The following ALK variants were observed in gnomAD, a reference collection of about 807,000 sequenced individuals.
ALK encodes the protein ALK receptor tyrosine kinase.
Under a neutral mutation model 163.1 loss-of-function variants are expected in ALK, and 74 were observed. The ratio of observed to expected loss-of-function variants is 0.45; its 90% confidence interval spans 0.38 to 0.55. The LOEUF is 0.55. ALK is among the 20% of genes least tolerant of loss of function. ALK has a pLI of 0.00. For missense variants in ALK, 2,063 were observed against 2,105.3 expected (o/e 0.98, Z 0.39); for synonymous variants, 960 against 843.2 (o/e 1.14, Z -2.40).
chr2:29,649,151 G>A (rs1676966928), intron 3 of ALK, among the ~76,000 whole-genome samples: 2 of 150,994 alleles, frequency 1.3e-5, no homozygotes, highest in South Asian at 4.2e-4. Context: ...TTATAGTGTG[G>A]GATTCAATTA....
Position 29,717,573 on chromosome 2 carries a change from C to G in ALK, c.787+5G>C. Reference sequence around the variant, plus strand: ...ATCTCAAGTAAATATTAAACATATACTTACCATATCGGCTGCGATGAGACA... The same window carrying G: ...ATCTCAAGTAAATATTAAACATATAGTTACCATATCGGCTGCGATGAGACA... On this transcript the variant is annotated splice_donor_5th_base_variant and intron_variant, in intron 2 of 28. Coordinates refer to ENST00000389048, the MANE Select transcript of ALK (RefSeq NM_004304.5). 6.2e-7 allele frequency: 1 copy of G among 1,613,958 alleles called. No homozygotes were observed. Among genetic ancestry groups the G allele is most frequent in the Non-Finnish European group, 8.5e-7 (1 of 1,179,858 alleles).
chr2:29,530,689 G>C (rs1673097856), intron 4 of ALK, among the ~76,000 whole-genome samples: 1 of 152,204 alleles, frequency 6.6e-6, no homozygotes, highest in Non-Finnish European at 1.5e-5. Flanking sequence ...CCGTGCTGGA[G>C]GGAGGCTTGG....
chr2:29,222,496 C>G (rs1222073704), intron 21 of ALK, 21 bp downstream of exon 21: 1 of 1,614,028 alleles, frequency 6.2e-7, no homozygotes, highest in East Asian at 2.2e-5. Context: ...AGGGCAGGCT[C>G]AAGAGTGAGC....
At chr2:29,846,359 A>C (rs1296639675) in intron 1 of ALK, among the ~76,000 whole-genome samples, 2 of 152,004 alleles carry the variant, frequency 1.3e-5, no homozygotes, top group Non-Finnish European at 2.9e-5. Context: ...ACCCCGTTTT[A>C]TTTTCTTCAC....
rs189268153 is a variant in ALK at position 29,431,553 on chromosome 2, A to G, written c.1155-47694T>C. 3.5e-3 allele frequency among the ~76,000 whole-genome samples: 528 copies of G among 152,318 alleles called. 4 individuals carry two copies. Among genetic ancestry groups the G allele is most frequent in the East Asian group, 4.2e-3 (22 of 5,180 alleles). On this transcript the variant is annotated intron_variant, in intron 4 of 28. Transcript: ENST00000389048. ...AACCTTTCTTTTTGCCCAGGCTTCT[A>G]TGCAAACCGCCTGCTTGTCCCTTGA...
At chr2:29,405,814 C>T (rs1050783535) in intron 4 of ALK, among the ~76,000 whole-genome samples, 2 of 151,988 alleles carry the variant, frequency 1.3e-5, no homozygotes, top group African/African-American at 4.8e-5. Flanking sequence ...GATAGAAGAC[C>T]CTGGAATAAT....
At chr2:29,809,767 A>G (rs554682468) in intron 1 of ALK, among the ~76,000 whole-genome samples, 1 of 152,278 alleles carries the variant, frequency 6.6e-6, no homozygotes, top group South Asian at 2.1e-4. Flanking sequence ...AGACATATAC[A>G]AGGCCAGGGA....
chr2:29,347,982 A>C (rs1489116170), intron 5 of ALK, among the ~76,000 whole-genome samples: 2 of 152,170 alleles, frequency 1.3e-5, no homozygotes, highest in East Asian at 3.9e-4. Context: ...ACACCTTAAG[A>C]ACCTCTGCCA....
chr2:29,487,711 C>T (rs1477335972), intron 4 of ALK, among the ~76,000 whole-genome samples: 2 of 152,112 alleles, frequency 1.3e-5, no homozygotes, highest in Admixed American at 6.5e-5. Context: ...TTATTCAATG[C>T]CTGCTATGTA....
At chr2:29,585,499 T>A (rs1237878270) in intron 3 of ALK, among the ~76,000 whole-genome samples, 1 of 152,120 alleles carries the variant, frequency 6.6e-6, no homozygotes, top group Admixed American at 6.5e-5. Flanking sequence ...GCTATTTTTT[T>A]ATATTTTTAG....
At chr2:29,252,549 T>G (rs371216065) in intron 11 of ALK, among the ~76,000 whole-genome samples, 2 of 152,272 alleles carry the variant, frequency 1.3e-5, no homozygotes, top group Admixed American at 6.5e-5. Flanking sequence ...ATGGGCAGGG[T>G]TGCTAATCTG....
chr2:29,489,172 G>A lies in ALK; in HGVS notation c.1154+42743C>T, dbSNP rs1671844473. Among the ~76,000 whole-genome samples, 5 of 152,240 alleles carry A rather than the reference G, an allele frequency of 3.3e-5. No individual in the cohort carries two copies. In the South Asian group the frequency reaches 8.3e-4, roughly 25 times the overall value. Reference sequence around the variant, plus strand: ...TAGCCTATGCATTTCTTAAAACAAGGTCTGTATCTTAGTTTTTTGACTTTC... The same window carrying A: ...TAGCCTATGCATTTCTTAAAACAAGATCTGTATCTTAGTTTTTTGACTTTC... On this transcript the variant is annotated intron_variant, in intron 4 of 28. Transcript: ENST00000389048.
intron 5 of ALK, among the ~76,000 whole-genome samples, chr2:29,355,482 C>CCA (rs975795186): frequency 2.6e-5 from 4 of 151,920 alleles, no homozygotes; most frequent in African/African-American, 9.7e-5. Context: ...TACACACCCA[C>CCA]CACACACAGA....
At chr2:29,302,237 G>T (rs545299288) in intron 8 of ALK, among the ~76,000 whole-genome samples, 34 of 152,334 alleles carry the variant, frequency 2.2e-4, no homozygotes, top group African/African-American at 8.2e-4. Flanking sequence ...TTAACTTCCG[G>T]CCGGGTGCGG....
chr2:29,858,103 A>G (rs1306557569), intron 1 of ALK, among the ~76,000 whole-genome samples: 1 of 151,808 alleles, frequency 6.6e-6, no homozygotes, highest in Non-Finnish European at 1.5e-5. Flanking sequence ...GTTCTATGCA[A>G]TTTTATCACA....
chr2:29,686,483 G>A (rs1366617543), intron 3 of ALK, among the ~76,000 whole-genome samples: 1 of 152,176 alleles, frequency 6.6e-6, no homozygotes. Context: ...TATTGGATAT[G>A]CCTAAGCCTT....
chr2:29,317,136 C>T (rs1188697746), intron 8 of ALK, among the ~76,000 whole-genome samples: 2 of 152,188 alleles, frequency 1.3e-5, no homozygotes, highest in African/African-American at 4.8e-5. Flanking sequence ...TGTCCCTCTG[C>T]TGGCCACAGA....
chr2:29,756,817 G>A (rs964657181), intron 1 of ALK, among the ~76,000 whole-genome samples: 8 of 152,148 alleles, frequency 5.3e-5, no homozygotes, highest in East Asian at 1.9e-4. Flanking sequence ...ATGAGCCACC[G>A]CACCTGGCCC....
intron 1 of ALK, among the ~76,000 whole-genome samples, chr2:29,823,300 TCAG>T (rs1259863825): frequency 6.6e-6 from 1 of 152,178 alleles, no homozygotes; most frequent in Non-Finnish European, 1.5e-5. Context: ...TATATCATTA[TCAG>T]CAGCATGAAA....
Sources: gnomAD v4.1 joint callset for allele counts (sites outside exome capture counted in the v4.1 genomes callset) on GRCh38, gnomAD v4.1.1 for gene constraint, MANE v1.5 for transcripts, NCBI Gene and HGNC (gene_info 2026-07-23, HGNC 2026-07-21) for gene names.